CCBE1: variants seen among roughly 807,000 people sequenced by gnomAD.
CCBE1 encodes collagen and calcium-binding EGF domain-containing protein 1.
A neutral mutation model predicts 50.0 loss-of-function variants in CCBE1; 37 were observed. The ratio of observed to expected loss-of-function variants is 0.74; its 90% CI spans 0.57 to 0.97. The LOEUF (loss-of-function observed/expected upper bound fraction) is 0.97, where lower values mean the gene tolerates loss of function less well. CCBE1 is among the 50% of genes least tolerant of loss of function. CCBE1 has a pLI of 0.00. For synonymous variants in CCBE1, 234 were observed against 203.7 expected (o/e 1.15, Z -1.27); for missense variants, 538 against 523.8 (o/e 1.03, Z -0.26).
intron 2 of CCBE1, among the ~76,000 whole-genome samples, chr18:59,613,863 G>GT (rs34847608): frequency 0.095 from 9,267 of 97,486 alleles, 250 homozygotes; most frequent in Non-Finnish European, 0.12. Context: ...TCTCTGATGG[G>GT]TTTTTTTTTT....
At chr18:59,482,223 C>CT (rs761934529) in intron 2 of CCBE1, among the ~76,000 whole-genome samples, 4 of 152,186 alleles carry the variant, frequency 2.6e-5, no homozygotes, top group Non-Finnish European at 4.4e-5. Flanking sequence ...TGAACTCATT[C>CT]TTTTTTATGG....
At chr18:59,593,936 C>T (rs2053312048) in intron 2 of CCBE1, among the ~76,000 whole-genome samples, 2 of 152,252 alleles carry the variant, frequency 1.3e-5, no homozygotes, top group African/African-American at 2.4e-5. Flanking sequence ...CCCATTCCAA[C>T]AGCAATGACA....
At chr18:59,554,071 C>G (rs932406018) in intron 2 of CCBE1, among the ~76,000 whole-genome samples, 1 of 152,192 alleles carries the variant, frequency 6.6e-6, no homozygotes, top group African/African-American at 2.4e-5. Context: ...GGTGCGATCA[C>G]AACTCACTGC....
chr18:59,470,603 A>T (rs1437975877), intron 3 of CCBE1, among the ~76,000 whole-genome samples: 1 of 152,112 alleles, frequency 6.6e-6, no homozygotes, highest in Admixed American at 6.5e-5. Flanking sequence ...TGAGGTGGAT[A>T]CACTGCTACT....
At chr18:59,480,403 A>G (rs1345018140) in intron 2 of CCBE1, among the ~76,000 whole-genome samples, 165 bp from the exon 3 acceptor site, 1 of 152,206 alleles carries the variant, frequency 6.6e-6, no homozygotes, top group Non-Finnish European at 1.5e-5. Context: ...AAGAAAAAAT[A>G]TCAATAATAC....
intron 2 of CCBE1, among the ~76,000 whole-genome samples, chr18:59,674,657 A>G (rs2331725): frequency 0.29 from 43,549 of 152,124 alleles, 6,715 homozygotes; most frequent in Non-Finnish European, 0.35. Context: ...CAATAAGAAC[A>G]TATTTGAGCA....
intron 2 of CCBE1, among the ~76,000 whole-genome samples, chr18:59,563,318 A>AT (rs1340706768): frequency 4.6e-5 from 7 of 152,188 alleles, no homozygotes; most frequent in African/African-American, 1.4e-4. Flanking sequence ...GTTTTTCTTG[A>AT]TTTTTTAAAA....
At chr18:59,651,243 T>C (rs1453336308) in intron 2 of CCBE1, among the ~76,000 whole-genome samples, 1 of 152,222 alleles carries the variant, frequency 6.6e-6, no homozygotes, top group Non-Finnish European at 1.5e-5. Flanking sequence ...AAGTGTTCCT[T>C]GGCACCATGA....
chr18:59,595,028 C>T (rs181626397), intron 2 of CCBE1, among the ~76,000 whole-genome samples: 38 of 151,240 alleles, frequency 2.5e-4, no homozygotes, highest in African/African-American at 8.5e-4. Context: ...AGGAGAATCC[C>T]TTGAACCCGG....
intron 2 of CCBE1, among the ~76,000 whole-genome samples, chr18:59,625,015 G>A (rs2053761006): frequency 6.6e-6 from 1 of 152,230 alleles, no homozygotes; most frequent in South Asian, 2.1e-4. Context: ...CCCAAAGTGT[G>A]AATGGCTTTA....
chr18:59,685,938 T>C (rs553013245), intron 2 of CCBE1: 1 of 152,328 alleles, frequency 6.6e-6, no homozygotes, highest in African/African-American at 2.4e-5. Flanking sequence ...TTAACAGTGA[T>C]GTCTTGCTGT....
chr18:59,548,980 G>C (rs908549142), intron 2 of CCBE1, among the ~76,000 whole-genome samples: 3 of 151,598 alleles, frequency 2.0e-5, no homozygotes, highest in African/African-American at 7.3e-5. Context: ...GCGCATTCCT[G>C]AAACCCCAAC....
At chr18:59,480,781 A>G (rs908549816) in intron 2 of CCBE1, among the ~76,000 whole-genome samples, 8 of 152,098 alleles carry the variant, frequency 5.3e-5, no homozygotes, top group Admixed American at 1.3e-4. Flanking sequence ...CTTGTACCAT[A>G]TAAGAAACTG....
At chr18:59,667,549 G>A (rs1211961708) in intron 2 of CCBE1, among the ~76,000 whole-genome samples, 2 of 152,172 alleles carry the variant, frequency 1.3e-5, no homozygotes, top group Non-Finnish European at 2.9e-5. Context: ...TGAGGCTAAA[G>A]TCATGAGGGA....
At chr18:59,598,321 C>T (rs2053384788) in intron 2 of CCBE1, among the ~76,000 whole-genome samples, 1 of 152,214 alleles carries the variant, frequency 6.6e-6, no homozygotes. Flanking sequence ...CCCCTCACCG[C>T]TGTGGGAAGC....
At chr18:59,487,983 A>C (rs1385228131) in intron 2 of CCBE1, among the ~76,000 whole-genome samples, 1 of 152,246 alleles carries the variant, frequency 6.6e-6, no homozygotes, top group Non-Finnish European at 1.5e-5. Flanking sequence ...GAGGTGGTAC[A>C]TACATACAAT....
chr18:59,500,826 G>A (rs1471166356), intron 2 of CCBE1, among the ~76,000 whole-genome samples: 1 of 152,166 alleles, frequency 6.6e-6, no homozygotes, highest in Non-Finnish European at 1.5e-5. Context: ...TCCTACTGCT[G>A]TTGGATCCCT....
chr18:59,465,746 A>G (rs934141504), intron 5 of CCBE1: 2 of 152,250 alleles, frequency 1.3e-5, no homozygotes, highest in East Asian at 3.8e-4. Context: ...TAGCATGGAT[A>G]CAGATTGTTT....
chr18:59,611,072 T>C (rs1460714600), intron 2 of CCBE1, among the ~76,000 whole-genome samples: 1 of 152,246 alleles, frequency 6.6e-6, no homozygotes, highest in Admixed American at 6.5e-5. Context: ...TGCAACAGCA[T>C]GCGTTGCTTT....
Sources: gnomAD v4.1 joint callset for allele counts (sites outside exome capture counted in the v4.1 genomes callset) on GRCh38, gnomAD v4.1.1 for gene constraint, MANE v1.5 for transcripts, NCBI Gene and HGNC (gene_info 2026-07-23, HGNC 2026-07-21) for gene names.